Variants in WIPI1 observed in about 807,000 individuals in gnomAD.
WIPI1 encodes the protein WD repeat domain phosphoinositide-interacting protein 1.
WIPI1 carries 45 observed loss-of-function variants against 55.3 expected under a neutral mutation model. The observed-to-expected ratio is 0.81, with a 90% CI of 0.64 to 1.04. The LOEUF (loss-of-function observed/expected upper bound fraction) is 1.04, where lower values mean the gene tolerates loss of function less well. Among genes scored for constraint, WIPI1 ranks in the 50% least tolerant of loss-of-function variants. The pLI is 0.00. For synonymous variants in WIPI1, 195 were observed against 217.6 expected (o/e 0.90, Z 0.92); for missense variants, 445 against 559.0 (o/e 0.80, Z 2.06).
At chr17:68,452,798 T>C in intron 2 of WIPI1, 112 bp downstream of exon 2, 2 of 913,342 alleles carry the variant, frequency 2.2e-6, no homozygotes, top group Non-Finnish European at 3.3e-6. Context: ...CTCCCTAAGT[T>C]TGATGGCTAA....
At chr17:68,440,055 G>C (rs982241031) in intron 4 of WIPI1, among the ~76,000 whole-genome samples, 1 of 152,158 alleles carries the variant, frequency 6.6e-6, no homozygotes, top group Admixed American at 6.5e-5. Flanking sequence ...ACCTATTATA[G>C]AACTGGTTGA....
chr17:68,428,462 G>A (rs2083350764), intron 10 of WIPI1: 1 of 204,398 alleles, frequency 4.9e-6, no homozygotes, highest in South Asian at 7.7e-5. Flanking sequence ...TGAACACCTG[G>A]ACTCAAGCCA....
chr17:68,442,050 A>G (rs565545328), intron 4 of WIPI1, among the ~76,000 whole-genome samples: 2 of 152,328 alleles, frequency 1.3e-5, no homozygotes, highest in East Asian at 3.9e-4. Flanking sequence ...TGTCTCTAAC[A>G]GGGAACACAA....
chr17:68,430,107 G>A lies in WIPI1; in HGVS notation c.854C>T (p.Ala285Val), dbSNP rs775412717. Residue 285 changes from alanine to valine, a missense_variant, in exon 9 of 13, where the codon GCT (alanine) becomes GTT (valine). By Grantham distance (64) the Ala-to-Val change is moderately conservative. Coordinates refer to ENST00000262139, the MANE Select transcript of WIPI1 (RefSeq NM_017983.7). ...CTGGGTAGGGAGGTAGTTGGTAGCA[G>A]CCATAAACATCTTTCCCATGTAGCC... ...WSGYMGKMFM[A>V]ATNYLPTQVS... 2 of 1,614,152 alleles carry A rather than the reference G, an allele frequency of 1.2e-6. No individual in the cohort carries two copies. Among genetic ancestry groups the A allele is most frequent in the African/African-American group, 1.3e-5 (1 of 75,040 alleles).
At chr17:68,427,733 C>CAAAG (rs2083292747) in intron 10 of WIPI1, among the ~76,000 whole-genome samples, 1 of 152,196 alleles carries the variant, frequency 6.6e-6, no homozygotes, top group Non-Finnish European at 1.5e-5. Flanking sequence ...ATTGGCTAGA[C>CAAAG]AAAGATTAGT....
intron 12 of WIPI1, among the ~76,000 whole-genome samples, chr17:68,425,382 CTTTTT>C (rs112331284): frequency 2.5e-4 from 33 of 132,248 alleles, no homozygotes; most frequent in Non-Finnish European, 3.0e-4. Context: ...TTTTTCTTTT[CTTTTT>C]TTTTTTTTTT....
rs778449594 is a variant in WIPI1 at position 68,444,527 on chromosome 17, C to T, written c.396G>A (p.Leu132=). 24 of 1,614,038 alleles carry T rather than the reference C, an allele frequency of 1.5e-5. No homozygotes were observed. Among genetic ancestry groups the T allele is most frequent in the Non-Finnish European group, 2.0e-5 (24 of 1,179,996 alleles). Residue 132 remains leucine, a synonymous_variant, in exon 4 of 13, where the codon TTG becomes TTA. Coordinates refer to ENST00000262139, the MANE Select transcript of WIPI1 (RefSeq NM_017983.7). ...TTGCAGGAATATCCAGGAGGGTCTT[C>T]AACAGCTTCATGTCTTTAATGTTGT... ...YIHNIKDMKL[L]KTLLDIPANP... is the part of the protein sequence containing the mutation.
chr17:68,433,014 G>A (rs993636930), intron 8 of WIPI1, among the ~76,000 whole-genome samples: 6 of 152,186 alleles, frequency 3.9e-5, no homozygotes, highest in East Asian at 1.9e-4. Context: ...AGAAATTGCA[G>A]GTGCTTCCCA....
In WIPI1 at chr17:68,430,140, G is replaced by A. The variant is rs1329512403; in HGVS notation, c.821C>T (p.Thr274Ile). 9.9e-6 allele frequency: 16 copies of A among 1,613,580 alleles called. No homozygotes were observed. The highest frequency in any genetic ancestry group is 1.2e-5 in the Non-Finnish European group (14 of 1,179,896). The stretch of plus-strand genomic sequence containing the variant: ...CATCTTTCCCATGTAGCCACTCCAG[G>A]TCGAAGGCTCTTCTGGTCGACTAGG... ...VTNSRPEEPS[T>I]WSGYMGKMFM... The change falls in exon 9 of 13, where the codon ACC becomes ATC. Residue 274 changes from threonine to isoleucine, a missense_variant. Thr to Ile is a moderately conservative substitution (Grantham distance 89). Coordinates refer to ENST00000262139, the MANE Select transcript of WIPI1 (RefSeq NM_017983.7).
In WIPI1 at chr17:68,430,162, T is replaced by C. The variant is rs1401103876; in HGVS notation, c.801-2A>G. On this transcript the variant is annotated splice_acceptor_variant, in intron 8 of 12. Transcript: ENST00000262139. LOFTEE classifies it high-confidence loss of function. ...CAGGTCGAAGGCTCTTCTGGTCGAC[T>C]AGGGAGTAATGCACAGGCAACGATG... 6.2e-7 allele frequency: 1 copy of C among 1,611,168 alleles called. No homozygotes were observed. The highest frequency in any genetic ancestry group is 8.5e-7 in the Non-Finnish European group (1 of 1,178,884).
chr17:68,453,071 C>G, intron 1 of WIPI1, 79 bp from the exon 2 acceptor site: 1 of 1,184,188 alleles, frequency 8.4e-7, no homozygotes, highest in Non-Finnish European at 1.3e-6. Context: ...TGCCTTTTGC[C>G]CCCTAGCCTC....
intron 3 of WIPI1, among the ~76,000 whole-genome samples, chr17:68,449,332 G>A (rs1470566314): frequency 6.6e-6 from 1 of 152,172 alleles, no homozygotes. Flanking sequence ...CACAGTGCCT[G>A]CCTTCACAGT....
chr17:68,428,198 G>A (rs962769572), intron 10 of WIPI1: 1 of 150,966 alleles, frequency 6.6e-6, no homozygotes, highest in Non-Finnish European at 1.5e-5. Context: ...ATGACTGGTA[G>A]AGCACTTTTC....
rs140485792 is a variant in WIPI1, at chr17:68,453,861, C to T, written c.81-869G>A. On this transcript the variant is annotated intron_variant, in intron 1 of 12. Coordinates refer to ENST00000262139, the MANE Select transcript of WIPI1 (RefSeq NM_017983.7). ...CTTTCATCAGTTTCCAGAAAAATGT[C>T]CTGATACTTCATACTAGTAGCTCTC... Among the ~76,000 whole-genome samples the T allele has an allele frequency of 1.1e-4, 16 of 152,230 alleles. No individual in the cohort carries two copies. The East Asian group carries it at 1.2e-3, about 11-fold the overall frequency.
chr17:68,449,586 G>A (rs990259219), intron 3 of WIPI1, among the ~76,000 whole-genome samples: 4 of 152,130 alleles, frequency 2.6e-5, no homozygotes, highest in African/African-American at 9.7e-5. Context: ...GAGTTCTCAC[G>A]AGACCTGGTT....
chr17:68,426,093 A>G lies in WIPI1; in HGVS notation c.1275T>C (p.Asp425=), dbSNP rs1453742017. The change falls in exon 12 of 13, where the codon GAT becomes GAC. Residue 425 remains aspartate, a synonymous_variant. Coordinates refer to ENST00000262139, the MANE Select transcript of WIPI1 (RefSeq NM_017983.7). ...EFATGPVCLD[D]ENEFPPIILC... ...TGCTCACAGGAGGAAACTCATTCTC[A>G]TCATCAAGACACACTGGTCCCGTCG... 1.2e-6 allele frequency: 2 copies of G among 1,612,496 alleles called. No homozygotes were observed. Among genetic ancestry groups the G allele is most frequent in the Non-Finnish European group, 1.7e-6 (2 of 1,179,780 alleles).
chr17:68,422,714 G>GGGA (rs2082880816), intron 12 of WIPI1: 1 of 124,398 alleles, frequency 8.0e-6, no homozygotes, highest in Non-Finnish European at 1.6e-5. Context: ...GAGGGACAGA[G>GGGA]TGAGACTCTA....
At chr17:68,445,843 C>T (rs540754875) in intron 3 of WIPI1, among the ~76,000 whole-genome samples, 2 of 152,218 alleles carry the variant, frequency 1.3e-5, no homozygotes, top group Non-Finnish European at 2.9e-5. Context: ...TGACTTGGCT[C>T]CCCTCAGGCC....
intron 8 of WIPI1, among the ~76,000 whole-genome samples, chr17:68,431,100 TG>T (rs2083489359): frequency 1.3e-5 from 2 of 152,228 alleles, no homozygotes; most frequent in African/African-American, 4.8e-5. Flanking sequence ...TGCTCCGGGC[TG>T]GGGTTTACAA....
Sources: allele counts gnomAD v4.1 joint callset (sites outside exome capture counted in the v4.1 genomes callset), GRCh38; gene constraint gnomAD v4.1.1; transcripts MANE v1.5; gene names NCBI Gene and HGNC (gene_info 2026-07-23, HGNC 2026-07-21).